The following SHISAL2A variants were observed in gnomAD, a reference collection of about 807,000 sequenced individuals.
The protein encoded by SHISAL2A is shisa like 2A, also known as protein shisa-like-2A.
In SHISAL2A, 18 loss-of-function variants were observed where a neutral mutation model predicts 11.5. The ratio of observed to expected loss-of-function variants is 1.57; its 90% CI spans 1.08 to 2.33. The LOEUF (loss-of-function observed/expected upper bound fraction) is 2.33, where lower values mean the gene tolerates loss of function less well. Among genes scored for constraint, SHISAL2A ranks in the 30% most tolerant of loss-of-function variants. The pLI, the probability that SHISAL2A is intolerant of heterozygous loss-of-function variation, is 0.00. For synonymous variants in SHISAL2A, 94 were observed against 99.6 expected, an observed-to-expected ratio of 0.94 and a Z score of 0.34; for missense variants, 261 against 250.9, an observed-to-expected ratio of 1.04 and a Z score of -0.27.
At chr1:52,664,546 CG>C (rs983066925) in intron 4 of SHISAL2A, among the ~76,000 whole-genome samples, 1 of 115,486 alleles carries the variant, frequency 8.7e-6, no homozygotes, top group African/African-American at 2.5e-5. Flanking sequence ...TTAGTAGAGA[CG>C]GGGTTTCTCC....
intron 2 of SHISAL2A, among the ~76,000 whole-genome samples, chr1:52,643,981 A>C (rs920389717): frequency 5.3e-5 from 8 of 152,170 alleles, no homozygotes; most frequent in Admixed American, 5.2e-4. Context: ...TATTGGCAAA[A>C]GATCTTTCAG....
At chr1:52,643,398 T>G (rs1691414750) in intron 2 of SHISAL2A, among the ~76,000 whole-genome samples, 1 of 152,240 alleles carries the variant, frequency 6.6e-6, no homozygotes, top group Non-Finnish European at 1.5e-5. Flanking sequence ...AGCGCTTTTA[T>G]TGTGTGTATG....
chr1:52,636,686 G>T (rs752307869), intron 1 of SHISAL2A, among the ~76,000 whole-genome samples: 12 of 152,186 alleles, frequency 7.9e-5, no homozygotes, highest in Admixed American at 2.0e-4. Flanking sequence ...AGGGTTAGAT[G>T]CTCTCACACA....
chr1:52,669,576 G>A (rs1692072078), exon 6 of SHISAL2A: 1 of 149,744 alleles, frequency 6.7e-6, no homozygotes, highest in Non-Finnish European at 1.5e-5. Flanking sequence ...TGAGACACGA[G>A]AATCACTTGA....
At chr1:52,656,537 A>G (rs1184233072) in intron 2 of SHISAL2A, among the ~76,000 whole-genome samples, 1 of 152,250 alleles carries the variant, frequency 6.6e-6, no homozygotes, top group Admixed American at 6.5e-5. Context: ...GTTATGGTGA[A>G]GGTCAAGTCT....
At chr1:52,635,862 G>GAAGAAAGA (rs1433088465) in intron 1 of SHISAL2A, among the ~76,000 whole-genome samples, 6 of 152,246 alleles carry the variant, frequency 3.9e-5, no homozygotes, top group African/African-American at 1.4e-4. Flanking sequence ...GCCCAGGAAT[G>GAAGAAAGA]AAGAAAGACA....
chr1:52,648,356 G>T (rs1018081333), intron 2 of SHISAL2A, among the ~76,000 whole-genome samples: 2 of 152,000 alleles, frequency 1.3e-5, no homozygotes, highest in Non-Finnish European at 2.9e-5. Flanking sequence ...TACAATATAG[G>T]CAAAAGGAAT....
chr1:52,640,861 C>T (rs1034960183), intron 1 of SHISAL2A, among the ~76,000 whole-genome samples: 25 of 152,110 alleles, frequency 1.6e-4, no homozygotes, highest in African/African-American at 3.9e-4. Context: ...GGCTGGTTGC[C>T]GGGGAAACCA....
At chr1:52,660,327 A>G (rs1571702495), downstream of SHISAL2A, among the ~76,000 whole-genome samples, 1 of 152,058 alleles carries the variant, frequency 6.6e-6, no homozygotes, top group African/African-American at 2.4e-5. Context: ...CTGCCCCCCA[A>G]CAGCTCCTCT....
chr1:52,659,942 C>A (rs536143315), downstream of SHISAL2A, among the ~76,000 whole-genome samples: 1 of 152,276 alleles, frequency 6.6e-6, no homozygotes, highest in Non-Finnish European at 1.5e-5. Flanking sequence ...AAGTGGTCAT[C>A]CGCGGCCTAA....
At chr1:52,650,222 AGC>A (rs1005494180) in intron 2 of SHISAL2A, among the ~76,000 whole-genome samples, 5 of 152,340 alleles carry the variant, frequency 3.3e-5, no homozygotes, top group South Asian at 2.1e-4. Context: ...GACTCCTCCA[AGC>A]AGGGGGAAAA....
At chr1:52,650,405 G>A (rs1236097641) in intron 2 of SHISAL2A, among the ~76,000 whole-genome samples, 1 of 152,198 alleles carries the variant, frequency 6.6e-6, no homozygotes. Flanking sequence ...GCTGCTGTCA[G>A]TGTGTGGCCT....
intron 1 of SHISAL2A, 42 bp from the exon 2 acceptor site, chr1:52,642,821 C>T: frequency 6.2e-7 from 1 of 1,603,680 alleles, no homozygotes. Context: ...TCTCCCAAGT[C>T]CCTTCCTGAC....
intron 2 of SHISAL2A, among the ~76,000 whole-genome samples, chr1:52,648,658 A>G (rs998065024): frequency 1.1e-4 from 17 of 152,196 alleles, no homozygotes; most frequent in African/African-American, 4.1e-4. Context: ...TTACAGATGC[A>G]AAAATCAGGT....
chr1:52,644,198 A>T (rs1435688520), intron 2 of SHISAL2A, among the ~76,000 whole-genome samples: 1 of 152,220 alleles, frequency 6.6e-6, no homozygotes, highest in Non-Finnish European at 1.5e-5. Context: ...TTTGATACAA[A>T]GTGTAGGGAA....
downstream of SHISAL2A, among the ~76,000 whole-genome samples, chr1:52,658,086 CT>C (rs1691835145): frequency 6.6e-6 from 1 of 151,598 alleles, no homozygotes; most frequent in Non-Finnish European, 1.5e-5. Context: ...GTCACTTAGG[CT>C]AGAGTGCAAT....
At chr1:52,645,674 G>T (rs1691485369) in intron 2 of SHISAL2A, among the ~76,000 whole-genome samples, 1 of 152,184 alleles carries the variant, frequency 6.6e-6, no homozygotes, top group African/African-American at 2.4e-5. Context: ...CTCCCAAAGT[G>T]CTGGGATTAC....
chr1:52,660,329 A>G (rs1691879480), downstream of SHISAL2A, among the ~76,000 whole-genome samples: 1 of 152,046 alleles, frequency 6.6e-6, no homozygotes, highest in African/African-American at 2.4e-5. Flanking sequence ...GCCCCCCAAC[A>G]GCTCCTCTCC....
chr1:52,657,127 G>A, downstream of SHISAL2A: 1 of 1,465,368 alleles, frequency 6.8e-7, no homozygotes, highest in Non-Finnish European at 9.2e-7. Flanking sequence ...AGCCTAGCAT[G>A]ATAAATGAGG....
Sources: allele counts gnomAD v4.1 joint callset (sites outside exome capture counted in the v4.1 genomes callset), GRCh38; gene constraint gnomAD v4.1.1; transcripts MANE v1.5; gene names NCBI Gene and HGNC (gene_info 2026-07-23, HGNC 2026-07-21).